Variants in ECHDC2 observed in about 807,000 individuals in gnomAD.
ECHDC2 encodes the protein enoyl-CoA hydratase domain containing 2.
In ECHDC2, 34 loss-of-function variants were observed where a neutral mutation model predicts 40.6. That is an observed-to-expected ratio of 0.84 (90% CI 0.64 to 1.11). The LOEUF is 1.11. Among genes scored for constraint, ECHDC2 ranks in the 50% most tolerant of loss-of-function variants. ECHDC2 has a pLI of 0.00. For synonymous variants in ECHDC2, 162 were observed against 166.6 expected (o/e 0.97, Z 0.21); for missense variants, 392 against 400.7 (o/e 0.98, Z 0.19).
intron 1 of ECHDC2, 188 bp downstream of exon 1, chr1:52,921,365 C>G: frequency 7.4e-7 from 1 of 1,347,896 alleles, no homozygotes; most frequent in Non-Finnish European, 9.6e-7. Flanking sequence ...CCGCCCCCAG[C>G]TAGAGTCTGG....
rs1273348379 is a variant in ECHDC2 at position 52,902,116 on chromosome 1, T to G, written c.702+2530A>C. 6.6e-5 allele frequency: 10 copies of G among 152,326 alleles called. No homozygotes were observed. In the East Asian group the frequency reaches 1.7e-3, roughly 26 times the overall value. The allele number at this position is 152,326 out of a possible 1,614,324, so 9.4% of individuals were successfully genotyped here. ...CTGTTTTAAGAAGTATTAGGATTAT[T>G]TACATTTGAGAGACAGGAAAGAAAG... On this transcript the variant is annotated intron_variant, in intron 7 of 9. Coordinates refer to ENST00000371522, the MANE Select transcript of ECHDC2 (RefSeq NM_001198961.2).
chr1:52,899,147 C>T (rs964922311), intron 8 of ECHDC2, 27 bp downstream of exon 8: 9 of 1,613,836 alleles, frequency 5.6e-6, no homozygotes, highest in Non-Finnish European at 7.6e-6. Context: ...TTTAGTGGAC[C>T]CAAGTCCCAA....
intron 7 of ECHDC2, among the ~76,000 whole-genome samples, chr1:52,904,038 G>A (rs1043553608): frequency 6.6e-6 from 1 of 151,868 alleles, no homozygotes; most frequent in Non-Finnish European, 1.5e-5. Context: ...GGGTGGTCTT[G>A]AACTCCTAAC....
At chr1:52,911,532 C>G in intron 3 of ECHDC2, 34 bp downstream of exon 3, 6 of 1,607,486 alleles carry the variant, frequency 3.7e-6, no homozygotes, top group Non-Finnish European at 5.1e-6. Context: ...GGGCACCCTG[C>G]AGAGCACAGA....
chr1:52,904,855 G>C, intron 6 of ECHDC2, 22 bp from the exon 7 acceptor site: 1 of 1,605,652 alleles, frequency 6.2e-7, no homozygotes, highest in Non-Finnish European at 8.5e-7. Flanking sequence ...GAGGGAGCAG[G>C]GTGGGAATCA....
chr1:52,908,996 C>T (rs547352271), intron 3 of ECHDC2, among the ~76,000 whole-genome samples: 5 of 143,454 alleles, frequency 3.5e-5, no homozygotes, highest in African/African-American at 1.3e-4. Context: ...AGGAGATACA[C>T]AGATGGTCAA....
At chr1:52,905,909 TGTTG>T (rs1373035328) in intron 5 of ECHDC2, 1 of 210,288 alleles carries the variant, frequency 4.8e-6, no homozygotes, top group African/African-American at 2.4e-5. Flanking sequence ...CATTTTTATA[TGTTG>T]CTCCTGGGGT....
At chr1:52,915,481 G>A (rs1650479633) in intron 1 of ECHDC2, among the ~76,000 whole-genome samples, 1 of 152,198 alleles carries the variant, frequency 6.6e-6, no homozygotes, top group African/African-American at 2.4e-5. Context: ...CCAGAAACCT[G>A]CAAAGAGCTC....
intron 3 of ECHDC2, 91 bp from the exon 4 acceptor site, chr1:52,908,045 G>A (rs1648403122): frequency 8.7e-7 from 1 of 1,151,210 alleles, no homozygotes; most frequent in Non-Finnish European, 1.3e-6. Flanking sequence ...GAAGACCTGA[G>A]GACAGGCAGC....
At position 52,914,084 on chromosome 1, in the gene ECHDC2, G is replaced by A. The variant is rs1264778506; in HGVS notation, c.122-2294C>T. On this transcript the variant is annotated intron_variant, in intron 1 of 9. Transcript: ENST00000371522. This position sits in a 1 kb window ranked among gnomAD's most constrained non-coding sequence, Gnocchi z 4.0. The stretch of plus-strand genomic sequence containing the variant: ...GGACAGACTCAAGGCCTGTCCTCAT[G>A]GAACCTACAGCCTAGTGGGGAAGAC... The A allele has an allele frequency of 1.6e-6, 1 of 629,472 alleles. No individual in the cohort carries two copies. Among genetic ancestry groups the A allele is most frequent in the African/African-American group, 1.9e-5 (1 of 53,156 alleles). The allele number at this position is 629,472 out of a possible 1,614,324, so 39.0% of individuals were successfully genotyped here.
chr1:52,899,510 A>C (rs1487590923), intron 7 of ECHDC2: 7 of 449,400 alleles, frequency 1.6e-5, no homozygotes, highest in Middle Eastern at 6.4e-4. Context: ...TTCCTCCCCC[A>C]CAGACTCATC....
At chr1:52,904,549 C>T (rs1317698869) in intron 7 of ECHDC2, 97 bp downstream of exon 7, 2 of 1,133,944 alleles carry the variant, frequency 1.8e-6, no homozygotes, top group African/African-American at 1.6e-5. Context: ...TCATATGTCT[C>T]TGGGAGAATG....
chr1:52,909,311 A>T (rs1648799570), intron 3 of ECHDC2, among the ~76,000 whole-genome samples: 1 of 152,160 alleles, frequency 6.6e-6, no homozygotes, highest in Non-Finnish European at 1.5e-5. Flanking sequence ...TCCGTAGGGG[A>T]CTGGTTCCAG....
rs185632030 is a variant in ECHDC2, at chr1:52,917,192, G to A, written c.121+4361C>T. 4.8e-3 allele frequency among the ~76,000 whole-genome samples: 728 copies of A among 151,378 alleles called. 2 individuals carry two copies. The Middle Eastern group carries it at 0.065, about 13-fold the overall frequency. On this transcript the variant is annotated intron_variant, in intron 1 of 9. Coordinates refer to ENST00000371522, the MANE Select transcript of ECHDC2 (RefSeq NM_001198961.2). ...GGCCGAGATCACGCCACTGCACTCC[G>A]GCCTGGGCAACAGAGTGAGACCATC...
At chr1:52,916,903 G>C (rs768070320) in intron 1 of ECHDC2, among the ~76,000 whole-genome samples, 1 of 152,142 alleles carries the variant, frequency 6.6e-6, no homozygotes, top group African/African-American at 2.4e-5. Context: ...GGTCACAGGC[G>C]AGGTGTTGTG....
In ECHDC2 at chr1:52,914,602, G is replaced by A. The variant is rs1260824699; in HGVS notation, c.122-2812C>T. ...TCCCGTGTGTGCCCAGGAGCCCAGA[G>A]CTCTCCTGTGCACCCCAGGCCTGAA... On this transcript the variant is annotated intron_variant, in intron 1 of 9. Transcript: ENST00000371522. This position sits in a 1 kb window ranked among gnomAD's most constrained non-coding sequence, Gnocchi z 4.0. Among the ~76,000 whole-genome samples the A allele has an allele frequency of 6.6e-6, 1 of 152,130 alleles. No homozygotes were observed. The highest frequency in any genetic ancestry group is 2.4e-5 in the African/African-American group (1 of 41,418).
chr1:52,904,763 T>C lies in ECHDC2; in HGVS notation c.585A>G (p.Arg195=), dbSNP rs1483888429. The C allele has an allele frequency of 5.0e-6, 8 of 1,612,936 alleles. No homozygotes were observed. The highest frequency in any genetic ancestry group is 5.9e-6 in the Non-Finnish European group (7 of 1,179,994). The part of the protein sequence containing the change: ...LAKELIFTGR[R]LSGTEAHVLG... ...GTACGTGGGCCTCAGTTCCACTCAG[T>C]CGTCGGCCCGTGAAGATGAGCTCCT... is the stretch of plus-strand genomic sequence containing the variant. Residue 195 remains arginine, a synonymous_variant, in exon 7 of 10, where the codon CGA becomes CGG. Transcript: ENST00000371522.
chr1:52,920,755 AAG>A (rs1651696589), intron 1 of ECHDC2, among the ~76,000 whole-genome samples: 1 of 152,084 alleles, frequency 6.6e-6, no homozygotes, highest in African/African-American at 2.4e-5. Flanking sequence ...AAAAAAAAAA[AAG>A]AAGCAATACA....
Position 52,921,565 on chromosome 1 carries a change from C to T in ECHDC2, c.109G>A (p.Gly37Ser), listed in dbSNP as rs1340005446. ...GSEIQVRALA[G>S]PDQGITEILM... is the part of the protein sequence containing the mutation. ...ACTGCACATTTACCTTGGTCCGGAC[C>T]CGCCAGGGCGCGCACTTGGATCTCT... Residue 37 changes from glycine to serine, a missense_variant, in exon 1 of 10, where the codon GGT (glycine) becomes AGT (serine). Transcript: ENST00000371522. The T allele has an allele frequency of 3.7e-6, 6 of 1,609,590 alleles. No individual in the cohort carries two copies. Among genetic ancestry groups the T allele is most frequent in the South Asian group, 3.3e-5 (3 of 90,398 alleles).
Sources: allele counts gnomAD v4.1 joint callset (sites outside exome capture counted in the v4.1 genomes callset), GRCh38; gene constraint gnomAD v4.1.1; non-coding constraint Gnocchi (gnomAD v3.1); transcripts MANE v1.5; gene names NCBI Gene and HGNC (gene_info 2026-07-23, HGNC 2026-07-21).